Variants in DYNC1H1 observed in about 807,000 individuals in gnomAD.
DYNC1H1 encodes dynein cytoplasmic 1 heavy chain 1.
A neutral mutation model predicts 527.1 loss-of-function variants in DYNC1H1; 51 were observed. That is an observed-to-expected ratio of 0.10 (90% CI 0.08 to 0.12). DYNC1H1 has a LOEUF of 0.12. Ranked by LOEUF, DYNC1H1 falls within the 10% of genes least tolerant of loss-of-function variation. DYNC1H1 has a pLI of 1.00. For synonymous variants in DYNC1H1, 2,189 were observed against 2,278.8 expected (o/e 0.96, Z 1.12); for missense variants, 2,771 against 5,971.8 (o/e 0.46, Z 17.66).
intron 23 of DYNC1H1, among the ~76,000 whole-genome samples, chr14:102,003,853 G>A (rs184349291): frequency 2.4e-4 from 37 of 152,264 alleles, no homozygotes; most frequent in South Asian, 2.1e-4. Flanking sequence ...TTGAATCCGG[G>A]AGGCGGAGGT....
chr14:102,009,020 G>A (rs750813387), intron 29 of DYNC1H1, among the ~76,000 whole-genome samples: 5 of 152,182 alleles, frequency 3.3e-5, no homozygotes, highest in Middle Eastern at 3.4e-3. Flanking sequence ...TTCTCACATC[G>A]TCAGAGAGCC....
At chr14:101,987,800 C>T (rs1472846872) in intron 9 of DYNC1H1, among the ~76,000 whole-genome samples, 168 bp downstream of exon 9, 1 of 152,190 alleles carries the variant, frequency 6.6e-6, no homozygotes, top group Non-Finnish European at 1.5e-5. Flanking sequence ...TGTGGCCAGG[C>T]ACAGTGGCTC....
Position 102,050,630 on chromosome 14 carries a change from AT to A in DYNC1H1, c.*70del. 1 of 1,612,032 alleles carries A rather than the reference AT, an allele frequency of 6.2e-7. No individual in the cohort carries two copies. Among genetic ancestry groups the A allele is most frequent in the Non-Finnish European group, 8.5e-7 (1 of 1,178,536 alleles). The stretch of plus-strand genomic sequence containing the variant: ...TTTAACATTTATTCATTTTTAAAAT[AT>A]TTGGAAGGTCTGAGCTTGTGAAAAG... On this transcript the variant is annotated 3_prime_UTR_variant, in exon 78 of 78. Coordinates refer to ENST00000360184, the MANE Select transcript of DYNC1H1 (RefSeq NM_001376.5).
At chr14:101,972,972 G>A (rs549292144) in intron 1 of DYNC1H1, among the ~76,000 whole-genome samples, 6 of 152,222 alleles carry the variant, frequency 3.9e-5, no homozygotes, top group Admixed American at 3.9e-4. Flanking sequence ...TTGTAATCGT[G>A]TGTGGCTGCT....
intron 1 of DYNC1H1, among the ~76,000 whole-genome samples, chr14:101,972,812 T>A (rs749733222): frequency 1.3e-5 from 2 of 152,260 alleles, no homozygotes; most frequent in Non-Finnish European, 2.9e-5. Flanking sequence ...TTCTGTATAT[T>A]GTTTCGGTGT....
chr14:102,033,846 T>C lies in DYNC1H1; in HGVS notation c.10414-130T>C, dbSNP rs1218065515. 2 of 958,684 alleles carry C rather than the reference T, an allele frequency of 2.1e-6. No individual in the cohort carries two copies. Among genetic ancestry groups the C allele is most frequent in the African/African-American group, 1.6e-5 (1 of 62,100 alleles). 59.4% of individuals were successfully genotyped at this position (958,684 alleles called of 1,614,324 possible). On this transcript the variant is annotated intron_variant, in intron 54 of 77. Coordinates refer to ENST00000360184, the MANE Select transcript of DYNC1H1 (RefSeq NM_001376.5). The surrounding 1 kb of genome is among the most constrained non-coding windows in gnomAD (Gnocchi z 5.6). ...ATCTGGGTCTCATCTCCTCTGGGAC[T>C]GTGAACAACTTGGGCACGTTTCTAA...
At chr14:102,046,122 GGCACCACT>G (rs2048714406) in intron 72 of DYNC1H1, among the ~76,000 whole-genome samples, 1 of 151,602 alleles carries the variant, frequency 6.6e-6, no homozygotes, top group African/African-American at 2.4e-5. Flanking sequence ...GAGCCGAGAT[GGCACCACT>G]GCACTCCAGC....
rs763142495 is a variant in DYNC1H1, at chr14:101,997,247, T to C, written c.3777T>C (p.Thr1259=). Residue 1259 remains threonine (T), a synonymous_variant, in exon 16 of 78, where the codon ACT becomes ACC. Coordinates refer to ENST00000360184, the MANE Select transcript of DYNC1H1 (RefSeq NM_001376.5). The surrounding 1 kb of genome is among the most constrained non-coding windows in gnomAD (Gnocchi z 4.8). The part of the protein sequence containing the change: ...AVESRTTDLL[T]DWEKTKPVTG... Reference sequence around the variant, plus strand: ...AAAGCCGCACCACCGACCTGCTGACTGACTGGGAGAAGACCAAGCCTGTCA... The same window carrying C: ...AAAGCCGCACCACCGACCTGCTGACCGACTGGGAGAAGACCAAGCCTGTCA... 2 of 1,614,082 alleles carry C rather than the reference T, an allele frequency of 1.2e-6. No individual in the cohort carries two copies. Among genetic ancestry groups the C allele is most frequent in the Non-Finnish European group, 1.7e-6 (2 of 1,179,998 alleles).
In DYNC1H1 at chr14:102,039,790, C is replaced by T; in HGVS notation, c.11690+58C>T. On this transcript the variant is annotated intron_variant, in intron 62 of 77. Transcript: ENST00000360184. This position sits in a 1 kb window ranked among gnomAD's most constrained non-coding sequence, Gnocchi z 7.0. ...TATTGCTGGTGGCCCCCAAGGGTTTCATGATCAGATACATGCTTTTATTAT... is the reference window on the plus strand; with the variant it reads ...TATTGCTGGTGGCCCCCAAGGGTTTTATGATCAGATACATGCTTTTATTAT... 1 of 1,544,872 alleles carries T rather than the reference C, an allele frequency of 6.5e-7. No homozygotes were observed. Among genetic ancestry groups the T allele is most frequent in the African/African-American group, 1.4e-5 (1 of 73,754 alleles).
chr14:101,964,743 G>A lies in DYNC1H1; in HGVS notation c.52G>A (p.Val18Met). ...CGAGGACGGCTCGGCCGGATTGGAA[G>A]TGTCGGCCGTGCAGAATGTGGCGGA... ...GGEDGSAGLEVSAVQNVADVS... is the reference protein window; with the variant it reads ...GGEDGSAGLEMSAVQNVADVS... Residue 18 changes from valine (V) to methionine (M), a missense_variant, in exon 1 of 78, where the codon GTG (valine) becomes ATG (methionine). Around this residue, in one of 32 missense-constraint regions of DYNC1H1, gnomAD observed 101 missense variants for 105.3 expected, o/e 0.96. Coordinates refer to ENST00000360184, the MANE Select transcript of DYNC1H1 (RefSeq NM_001376.5). The surrounding 1 kb of genome is among the most constrained non-coding windows in gnomAD (Gnocchi z 5.5). The A allele has an allele frequency of 6.3e-7, 1 of 1,597,194 alleles. No homozygotes were observed. Among genetic ancestry groups the A allele is most frequent in the Non-Finnish European group, 8.5e-7 (1 of 1,175,572 alleles).
In DYNC1H1 at chr14:102,018,389, C is replaced by T; in HGVS notation, c.8178-62C>T. On this transcript the variant is annotated intron_variant, in intron 40 of 77. Transcript: ENST00000360184. This position sits in a 1 kb window ranked among gnomAD's most constrained non-coding sequence, Gnocchi z 5.2. ...CCTGGACAGGGCGACTCCACTGGCA[C>T]ACTGCCCCTTCCTGGGAGGCGCTGT... is the stretch of plus-strand genomic sequence containing the variant. 6.3e-7 allele frequency: 1 copy of T among 1,593,086 alleles called. No homozygotes were observed. The highest frequency in any genetic ancestry group is 2.3e-5 in the East Asian group (1 of 44,014).
chr14:102,050,371 C>T lies in DYNC1H1; in HGVS notation c.13813-64C>T, dbSNP rs531717529. 3.2e-5 allele frequency: 52 copies of T among 1,613,720 alleles called. No individual in the cohort carries two copies. The East Asian group carries it at 7.8e-4, about 24-fold the overall frequency. On this transcript the variant is annotated intron_variant, in intron 77 of 77. Coordinates refer to ENST00000360184, the MANE Select transcript of DYNC1H1 (RefSeq NM_001376.5). ...CCTTGCCGGGCCCCATCAGCTGTCC[C>T]GGGCAGTCTTCCAGTTTTCTTACTT...
chr14:102,050,940 T>A lies in DYNC1H1; in HGVS notation c.*377T>A. Reference sequence around the variant, plus strand: ...CGCTCCCGAGCGGCCACAGCACTCATGAATGAAGACCTTGGGGCCCTTCAC... The same window carrying A: ...CGCTCCCGAGCGGCCACAGCACTCAAGAATGAAGACCTTGGGGCCCTTCAC... On this transcript the variant is annotated 3_prime_UTR_variant, in exon 78 of 78. Coordinates refer to ENST00000360184, the MANE Select transcript of DYNC1H1 (RefSeq NM_001376.5). The A allele has an allele frequency of 5.7e-6, 2 of 348,918 alleles. No individual in the cohort carries two copies. Among genetic ancestry groups the A allele is most frequent in the South Asian group, 4.7e-5 (2 of 42,390 alleles). 21.6% of individuals were successfully genotyped at this position (348,918 alleles called of 1,614,324 possible). A position where few individuals can be genotyped will look rare whatever the true frequency, so the allele number is the denominator to read the frequency against.
In DYNC1H1 at chr14:102,017,329, CA is replaced by C; in HGVS notation, c.8055+37del. 6.2e-7 allele frequency: 1 copy of C among 1,614,254 alleles called. No individual in the cohort carries two copies. Among genetic ancestry groups the C allele is most frequent in the Non-Finnish European group, 8.5e-7 (1 of 1,180,054 alleles). On this transcript the variant is annotated intron_variant, in intron 39 of 77. Transcript: ENST00000360184. The surrounding 1 kb of genome is among the most constrained non-coding windows in gnomAD (Gnocchi z 4.6). ...TATCCACAAGGCCCTTCCTGCCCCA[CA>C]ATGTTTCTTGTTCAAGTTTTGCTCT... is the stretch of plus-strand genomic sequence containing the variant.
Position 102,044,182 on chromosome 14 carries a change from G to A in DYNC1H1, c.12685-92G>A, listed in dbSNP as rs1229543906. 6.3e-7 allele frequency: 1 copy of A among 1,586,550 alleles called. No individual in the cohort carries two copies. The highest frequency in any genetic ancestry group is 8.6e-7 in the Non-Finnish European group (1 of 1,167,470). On this transcript the variant is annotated intron_variant, in intron 70 of 77. Transcript: ENST00000360184. This position sits in a 1 kb window ranked among gnomAD's most constrained non-coding sequence, Gnocchi z 7.1. ...GACCGCCAAAGCCTAGCTGGCCATG[G>A]GGAGTGAGGAGGAAAGCTGTGCCCC...
At position 102,015,852 on chromosome 14, in the gene DYNC1H1, C is replaced by G. The variant is rs771841689; in HGVS notation, c.7243-4C>G. The G allele has an allele frequency of 5.6e-6, 9 of 1,614,038 alleles. No homozygotes were observed. The East Asian group carries it at 1.1e-4, about 20-fold the overall frequency. ...AGTTAAGTATCACTCCTTCCACTTTCTAGATCCAAAGAGATGCAGCTACGA... is the reference window on the plus strand; with the variant it reads ...AGTTAAGTATCACTCCTTCCACTTTGTAGATCCAAAGAGATGCAGCTACGA... On this transcript the variant is annotated splice_region_variant and splice_polypyrimidine_tract_variant and intron_variant, in intron 35 of 77. Coordinates refer to ENST00000360184, the MANE Select transcript of DYNC1H1 (RefSeq NM_001376.5). This position sits in a 1 kb window ranked among gnomAD's most constrained non-coding sequence, Gnocchi z 6.9.
chr14:102,020,926 T>C lies in DYNC1H1; in HGVS notation c.8507+870T>C, dbSNP rs1235563861. On this transcript the variant is annotated intron_variant, in intron 42 of 77. Coordinates refer to ENST00000360184, the MANE Select transcript of DYNC1H1 (RefSeq NM_001376.5). The surrounding 1 kb of genome is among the most constrained non-coding windows in gnomAD (Gnocchi z 4.3). ...CATTCTTGGGCAACACCGGGTACAT[T>C]ACTGACAGCCACTGTAAGAGATGAG... Among the ~76,000 whole-genome samples, 1 of 152,190 alleles carries C rather than the reference T, an allele frequency of 6.6e-6. No homozygotes were observed. Among genetic ancestry groups the C allele is most frequent in the Non-Finnish European group, 1.5e-5 (1 of 68,036 alleles).
chr14:101,999,746 G>A (rs2048108667), intron 16 of DYNC1H1, among the ~76,000 whole-genome samples: 1 of 152,192 alleles, frequency 6.6e-6, no homozygotes, highest in Non-Finnish European at 1.5e-5. Flanking sequence ...ATAAGACAAT[G>A]GCTAAATCAA....
At chr14:101,967,707 G>A (rs146751449) in intron 1 of DYNC1H1, among the ~76,000 whole-genome samples, 31 of 152,284 alleles carry the variant, frequency 2.0e-4, no homozygotes, top group African/African-American at 7.5e-4. Context: ...AGGCATGGTG[G>A]TGTATGCCAG....
Sources: allele counts gnomAD v4.1 joint callset (sites outside exome capture counted in the v4.1 genomes callset), GRCh38; gene constraint gnomAD v4.1.1; regional missense constraint gnomAD v4.1.1; non-coding constraint Gnocchi (gnomAD v3.1); transcripts MANE v1.5; gene names NCBI Gene and HGNC (gene_info 2026-07-23, HGNC 2026-07-21).